LMF1: variants seen among roughly 807,000 people sequenced by gnomAD.
LMF1 encodes lipase maturation factor 1, also known as transmembrane protein 112.
Under a neutral mutation model 60.6 loss-of-function variants are expected in LMF1, and 68 were observed. That is an observed-to-expected ratio of 1.12 (90% confidence interval 0.92 to 1.37). The LOEUF is 1.37. Ranked by LOEUF, LMF1 falls within the 40% of genes most tolerant of loss-of-function variation. The probability of loss-of-function intolerance (pLI) is 0.00; values close to 1 mark genes in which losing one functional copy is unlikely to be tolerated. For missense variants in LMF1, 948 were observed against 767.2 expected (o/e 1.24, Z -2.78); for synonymous variants, 418 against 324.7 (o/e 1.29, Z -3.09).
chr16:938,639 G>A (rs72759488), intron 2 of LMF1, among the ~76,000 whole-genome samples: 1,994 of 152,304 alleles, frequency 0.013, 24 homozygotes, highest in East Asian at 0.025. Context: ...GGAAGTCCAG[G>A]TCCCAGGGCT....
chr16:893,060 T>A lies in LMF1; in HGVS notation c.676A>T (p.Ile226Phe), dbSNP rs1282757987. The part of the protein sequence containing the change: ...RIMLGAGLIK[I>F]RGDRCWRDLT... Reference sequence around the variant, plus strand: ...TCTCGCCAGCACCGGTCCCCCCGGATCTTGATCAGGCCCTGCAAGGAAGAG... The same window carrying A: ...TCTCGCCAGCACCGGTCCCCCCGGAACTTGATCAGGCCCTGCAAGGAAGAG... The change falls in exon 5 of 11, where the codon ATC (isoleucine) becomes TTC (phenylalanine). Residue 226 changes from isoleucine to phenylalanine, a missense_variant. Physicochemically the swap from Ile to Phe is conservative, Grantham distance 21 (BLOSUM62 0). Transcript: ENST00000262301. 3 of 1,554,210 alleles carry A rather than the reference T, an allele frequency of 1.9e-6. No individual in the cohort carries two copies. Among genetic ancestry groups the A allele is most frequent in the Non-Finnish European group, 2.6e-6 (3 of 1,149,180 alleles).
chr16:882,721 G>C (rs909481391), intron 5 of LMF1, among the ~76,000 whole-genome samples: 1 of 151,402 alleles, frequency 6.6e-6, no homozygotes, highest in Non-Finnish European at 1.5e-5. Context: ...GGAGAAAGAG[G>C]AGCCGGCAGC....
chr16:888,027 CT>C (rs919422250), intron 5 of LMF1, among the ~76,000 whole-genome samples: 1 of 152,124 alleles, frequency 6.6e-6, no homozygotes, highest in African/African-American at 2.4e-5. Context: ...TGAGTCGACT[CT>C]GGGGGGCTCC....
chr16:953,936 C>G lies in LMF1; in HGVS notation c.503+421G>C, dbSNP rs145568999. Among the ~76,000 whole-genome samples the G allele has an allele frequency of 7.3e-5, 7 of 95,916 alleles. 1 individual carries two copies. The highest frequency in any genetic ancestry group is 2.2e-5 in the Non-Finnish European group (1 of 46,090). 62.9% of individuals were successfully genotyped at this position (95,916 alleles called of 152,430 possible). ...ACCCACCCCAAACCAGCTTCCTACA[C>G]GTCCACACAGACACCCACCCCAAAC... On this transcript the variant is annotated intron_variant, in intron 2 of 10. Coordinates refer to ENST00000262301, the MANE Select transcript of LMF1 (RefSeq NM_022773.4).
chr16:978,171 A>T (rs2073226812), intron 1 of LMF1, among the ~76,000 whole-genome samples: 1 of 146,968 alleles, frequency 6.8e-6, no homozygotes, highest in Non-Finnish European at 1.5e-5. Flanking sequence ...CACACCACAC[A>T]CCATACACGC....
intron 2 of LMF1, among the ~76,000 whole-genome samples, chr16:950,239 A>G (rs1161651629): frequency 1.3e-5 from 1 of 75,204 alleles, no homozygotes; most frequent in Admixed American, 1.3e-4. Flanking sequence ...GTTAGAGACA[A>G]TGACAGAGTC....
intron 1 of LMF1, among the ~76,000 whole-genome samples, chr16:977,846 A>C (rs1018804133): frequency 3.3e-5 from 5 of 149,636 alleles, no homozygotes; most frequent in Non-Finnish European, 5.9e-5. Flanking sequence ...CACCATACAC[A>C]TGCACACCAC....
At chr16:930,301 G>C (rs1348160606) in intron 3 of LMF1, among the ~76,000 whole-genome samples, 1 of 152,236 alleles carries the variant, frequency 6.6e-6, no homozygotes, top group Non-Finnish European at 1.5e-5. Flanking sequence ...GCCCAGGACA[G>C]CAGCAGGCGA....
intron 2 of LMF1, among the ~76,000 whole-genome samples, chr16:940,095 C>T (rs958723467): frequency 6.6e-6 from 1 of 152,060 alleles, no homozygotes; most frequent in Non-Finnish European, 1.5e-5. Context: ...GTCCACAAGC[C>T]GGGGGTGCCC....
intron 2 of LMF1, chr16:934,477 A>T: frequency 1.7e-6 from 1 of 582,332 alleles, no homozygotes; most frequent in Non-Finnish European, 3.1e-6. Context: ...ATATTCCAAG[A>T]TACACCTACT....
intron 4 of LMF1, among the ~76,000 whole-genome samples, chr16:894,635 G>A (rs2070610740): frequency 6.6e-6 from 1 of 152,236 alleles, no homozygotes; most frequent in Non-Finnish European, 1.5e-5. Context: ...AATCCATGCT[G>A]CAGGTTCGGA....
rs571955591 is a variant in LMF1, at chr16:871,402, G to C, written c.898-61C>G. The C allele has an allele frequency of 4.5e-6, 7 of 1,552,972 alleles. No homozygotes were observed. In the African/African-American group the frequency reaches 8.2e-5, roughly 18 times the overall value. On this transcript the variant is annotated intron_variant, in intron 6 of 10. Coordinates refer to ENST00000262301, the MANE Select transcript of LMF1 (RefSeq NM_022773.4). ...CTCGTGTGGGGCCCCTGGGCAGCTGGCGCCTCTCTTCCTGGAGCAGGGAGG... is the reference window on the plus strand; with the variant it reads ...CTCGTGTGGGGCCCCTGGGCAGCTGCCGCCTCTCTTCCTGGAGCAGGGAGG...
Position 953,969 on chromosome 16 carries a change from CTACA to C in LMF1, c.503+384_503+387del, listed in dbSNP as rs1567312030. Among the ~76,000 whole-genome samples, 25 of 50,246 alleles carry C rather than the reference CTACA, an allele frequency of 5.0e-4. 8 individuals are homozygous for C. The highest frequency in any genetic ancestry group is 7.2e-4 in the South Asian group (1 of 1,396). The allele number at this position is 50,246 out of a possible 152,430, so 33.0% of individuals were successfully genotyped here. On this transcript the variant is annotated intron_variant, in intron 2 of 10. Transcript: ENST00000262301. ...CAGACACCCACCCCAAACCAGCCTC[CTACA>C]TGTCCACACAGACACCCCAAACCAG...
intron 10 of LMF1, among the ~76,000 whole-genome samples, chr16:868,566 G>A (rs759709162): frequency 1.3e-5 from 2 of 152,178 alleles, no homozygotes; most frequent in African/African-American, 4.8e-5. Context: ...TGGACCCCTG[G>A]GGCTCCTGGA....
rs869161964 is a variant in LMF1, at chr16:868,788, G to GGA, written c.1529+155_1529+156insTC. On this transcript the variant is annotated intron_variant, in intron 10 of 10. Coordinates refer to ENST00000262301, the MANE Select transcript of LMF1 (RefSeq NM_022773.4). Reference sequence around the variant, plus strand: ...GGCTGATGTGGGGCGGGGGGGGGGGGCCCTTTTTGCTCCCAGCAGGCCCCA... The same window carrying GGA: ...GGCTGATGTGGGGCGGGGGGGGGGGGGACCCTTTTTGCTCCCAGCAGGCCCCA... 2.2e-4 allele frequency among the ~76,000 whole-genome samples: 30 copies of GGA among 136,334 alleles called. 1 individual carries two copies. The highest frequency in any genetic ancestry group is 7.6e-4 in the African/African-American group (28 of 36,624). The allele number at this position is 136,334 out of a possible 152,430, so 89.4% of individuals were successfully genotyped here.
intron 5 of LMF1, among the ~76,000 whole-genome samples, chr16:886,605 C>A (rs1263794298): frequency 2.3e-4 from 5 of 21,470 alleles, no homozygotes; most frequent in African/African-American, 1.2e-3. Flanking sequence ...CCACCCTAGG[C>A]CCCCGGCGTT....
At chr16:933,569 T>G in intron 3 of LMF1, 1 of 187,982 alleles carries the variant, frequency 5.3e-6, no homozygotes, top group Non-Finnish European at 1.1e-5. Flanking sequence ...GCCAGGGCCT[T>G]TACCAGCAAA....
chr16:866,502 T>C (rs557932717), intron 10 of LMF1, among the ~76,000 whole-genome samples: 2 of 151,958 alleles, frequency 1.3e-5, no homozygotes, highest in East Asian at 1.9e-4. Flanking sequence ...CTGCCAGGGG[T>C]TGGGGGAGTC....
At chr16:952,407 C>A (rs568994954) in intron 2 of LMF1, among the ~76,000 whole-genome samples, 69 of 152,204 alleles carry the variant, frequency 4.5e-4, no homozygotes, top group Non-Finnish European at 6.9e-4. Flanking sequence ...GCAATCTGAG[C>A]CTCCGACCAG....
Sources: allele counts gnomAD v4.1 joint callset (sites outside exome capture counted in the v4.1 genomes callset), GRCh38; gene constraint gnomAD v4.1.1; transcripts MANE v1.5; gene names NCBI Gene and HGNC (gene_info 2026-07-23, HGNC 2026-07-21).